NRG3: variants seen among roughly 807,000 people sequenced by gnomAD.
NRG3 encodes the protein neuregulin 3, also known as pro-neuregulin-3, membrane-bound isoform.
A neutral mutation model predicts 66.9 loss-of-function variants in NRG3; 31 were observed. That is an observed-to-expected ratio of 0.46 (90% CI 0.35 to 0.63). NRG3 has a LOEUF of 0.63. Among genes scored for constraint, NRG3 ranks in the 20% least tolerant of loss-of-function variants. The pLI, the probability that NRG3 is intolerant of heterozygous loss-of-function variation, is 0.00. For synonymous variants in NRG3, 393 were observed against 359.4 expected (o/e 1.09, Z -1.06); for missense variants, 910 against 878.9 (o/e 1.04, Z -0.45).
chr10:82,336,325 T>G (rs2082383518), intron 1 of NRG3, among the ~76,000 whole-genome samples: 1 of 152,090 alleles, frequency 6.6e-6, no homozygotes, highest in Non-Finnish European at 1.5e-5. Flanking sequence ...TTTCCTACTT[T>G]GTAGTGCAGA....
At chr10:82,969,741 C>T (rs765426168) in intron 6 of NRG3, among the ~76,000 whole-genome samples, 3 of 152,114 alleles carry the variant, frequency 2.0e-5, no homozygotes, top group Non-Finnish European at 4.4e-5. Flanking sequence ...ATACTTTTTC[C>T]CAAGCATAAC....
chr10:81,938,536 G>A (rs1848104233), intron 1 of NRG3, among the ~76,000 whole-genome samples: 1 of 151,148 alleles, frequency 6.6e-6, no homozygotes, highest in Admixed American at 6.6e-5. Flanking sequence ...TTTGTTCATT[G>A]TTAGTGTGTA....
chr10:82,127,476 G>A (rs1364241194), intron 1 of NRG3, among the ~76,000 whole-genome samples: 1 of 152,014 alleles, frequency 6.6e-6, no homozygotes, highest in African/African-American at 2.4e-5. Context: ...TTAGTCCCTT[G>A]AGAAGTTGGT....
chr10:81,928,528 A>G (rs1004882472), intron 1 of NRG3, among the ~76,000 whole-genome samples: 2 of 152,250 alleles, frequency 1.3e-5, no homozygotes, highest in African/African-American at 4.8e-5. Flanking sequence ...ATTTTAAAAC[A>G]TAAAAGCTCA....
intron 7 of NRG3, among the ~76,000 whole-genome samples, chr10:82,976,764 T>C (rs902489266): frequency 5.9e-5 from 9 of 152,092 alleles, no homozygotes; most frequent in Non-Finnish European, 1.3e-4. Context: ...GTCATGGCAC[T>C]TGTGTCCCCT....
At chr10:82,870,011 T>A (rs991441570) in intron 4 of NRG3, among the ~76,000 whole-genome samples, 1 of 149,302 alleles carries the variant, frequency 6.7e-6, no homozygotes, top group African/African-American at 2.5e-5. Context: ...AATTTTCTCA[T>A]GTGTTTTCAT....
chr10:82,191,062 TAG>T (rs2074115271), intron 1 of NRG3, among the ~76,000 whole-genome samples: 1 of 152,050 alleles, frequency 6.6e-6, no homozygotes, highest in African/African-American at 2.4e-5. Context: ...CTGCCAAGAA[TAG>T]TGAGATTGCT....
chr10:82,058,881 G>A (rs1589951658), intron 1 of NRG3, among the ~76,000 whole-genome samples: 2 of 152,254 alleles, frequency 1.3e-5, no homozygotes, highest in African/African-American at 2.4e-5. Context: ...GTATATAGGA[G>A]GTGCGTCTGA....
intron 1 of NRG3, among the ~76,000 whole-genome samples, chr10:81,914,029 C>A (rs1380461409): frequency 6.6e-6 from 1 of 152,170 alleles, no homozygotes; most frequent in Non-Finnish European, 1.5e-5. Flanking sequence ...AGGCGGGCAG[C>A]TGTAAGGGCT....
At chr10:82,670,496 A>G in intron 2 of NRG3, among the ~76,000 whole-genome samples, 1 of 152,232 alleles carries the variant, frequency 6.6e-6, no homozygotes, top group East Asian at 1.9e-4. Flanking sequence ...GTATGGTTGT[A>G]GAGTTTTGGA....
intron 1 of NRG3, among the ~76,000 whole-genome samples, chr10:82,151,342 T>C (rs1324493456): frequency 1.3e-5 from 2 of 152,206 alleles, no homozygotes; most frequent in African/African-American, 4.8e-5. Flanking sequence ...TACTTTTAAT[T>C]TTTCAGTACA....
intron 2 of NRG3, among the ~76,000 whole-genome samples, chr10:82,381,695 G>T (rs372158929): frequency 6.6e-6 from 1 of 152,038 alleles, no homozygotes; most frequent in Non-Finnish European, 1.5e-5. Flanking sequence ...TGCTTCATGG[G>T]TTGGGAGACT....
chr10:82,401,483 G>T (rs1417989194), intron 2 of NRG3, among the ~76,000 whole-genome samples: 1 of 152,036 alleles, frequency 6.6e-6, no homozygotes, highest in Non-Finnish European at 1.5e-5. Flanking sequence ...GTATGAGGCA[G>T]GATCACAGGA....
chr10:82,735,392 T>C (rs1006151873), intron 2 of NRG3, among the ~76,000 whole-genome samples: 1 of 152,046 alleles, frequency 6.6e-6, no homozygotes, highest in African/African-American at 2.4e-5. Flanking sequence ...ACAGATTGAG[T>C]GGAGCTTTGA....
chr10:82,379,550 G>T (rs927782364), intron 2 of NRG3, among the ~76,000 whole-genome samples: 2 of 152,070 alleles, frequency 1.3e-5, no homozygotes, highest in Admixed American at 1.3e-4. Context: ...AGGATTAAAT[G>T]AATTGATATA....
At chr10:82,639,487 G>A (rs560523101) in intron 2 of NRG3, among the ~76,000 whole-genome samples, 11 of 152,310 alleles carry the variant, frequency 7.2e-5, no homozygotes, top group African/African-American at 2.6e-4. Context: ...AACAAATCCA[G>A]TGATCAAGAA....
At chr10:81,931,874 A>G (rs1847380783) in intron 1 of NRG3, among the ~76,000 whole-genome samples, 1 of 152,164 alleles carries the variant, frequency 6.6e-6, no homozygotes, top group Non-Finnish European at 1.5e-5. Context: ...TTCAGGAGAG[A>G]TTATGACTAA....
intron 2 of NRG3, among the ~76,000 whole-genome samples, chr10:82,621,591 T>A (rs2049043245): frequency 6.6e-6 from 1 of 152,214 alleles, no homozygotes; most frequent in African/African-American, 2.4e-5. Flanking sequence ...AAGTACTTTC[T>A]CAATGTCTAT....
intron 2 of NRG3, among the ~76,000 whole-genome samples, chr10:82,467,901 TTG>T (rs761629516): frequency 2.6e-5 from 4 of 151,858 alleles, no homozygotes; most frequent in African/African-American, 9.6e-5. Flanking sequence ...CATATTCATG[TTG>T]TGTGTGTGTG....
Sources: allele counts gnomAD v4.1 joint callset (sites outside exome capture counted in the v4.1 genomes callset), GRCh38; gene constraint gnomAD v4.1.1; transcripts MANE v1.5; gene names NCBI Gene and HGNC (gene_info 2026-07-23, HGNC 2026-07-21).